Variants in TIAM2 observed in about 807,000 individuals in gnomAD.
TIAM2 encodes the protein TIAM Rac1 associated GEF 2.
Under a neutral mutation model 152.9 loss-of-function variants are expected in TIAM2, and 80 were observed. The ratio of observed to expected loss-of-function variants is 0.52; its 90% CI spans 0.44 to 0.63. The LOEUF (loss-of-function observed/expected upper bound fraction) is 0.63, where lower values mean the gene tolerates loss of function less well. Ranked by LOEUF, TIAM2 falls within the 30% of genes least tolerant of loss-of-function variation. The pLI, the probability that TIAM2 is intolerant of heterozygous loss-of-function variation, is 0.00. For synonymous variants in TIAM2, 804 were observed against 838.0 expected, an observed-to-expected ratio of 0.96 and a Z score of 0.70; for missense variants, 1,965 against 2,120.1, an observed-to-expected ratio of 0.93 and a Z score of 1.44.
intron 1 of TIAM2, among the ~76,000 whole-genome samples, chr6:155,056,738 CTTATA>C (rs1165998592): frequency 6.6e-6 from 1 of 152,014 alleles, no homozygotes; most frequent in Non-Finnish European, 1.5e-5. Context: ...TTATTAACAT[CTTATA>C]TTATTATAGT....
At chr6:155,245,561 C>A in intron 18 of TIAM2, 62 bp from the exon 19 acceptor site, 1 of 1,387,216 alleles carries the variant, frequency 7.2e-7, no homozygotes, top group Non-Finnish European at 1.0e-6. Flanking sequence ...CCGTCAAATG[C>A]CATAAGCCAG....
intron 9 of TIAM2, among the ~76,000 whole-genome samples, chr6:155,169,556 A>C (rs368249856): frequency 6.6e-5 from 10 of 152,248 alleles, no homozygotes; most frequent in East Asian, 5.8e-4. Flanking sequence ...CAGTGAATAC[A>C]AAATTGCATT....
chr6:155,110,658 G>A (rs537190033), intron 2 of TIAM2, among the ~76,000 whole-genome samples: 2 of 152,156 alleles, frequency 1.3e-5, no homozygotes, highest in East Asian at 3.9e-4. Flanking sequence ...AGACTGTTTA[G>A]GTTTTGTTAC....
chr6:155,242,296 ACCAC>A (rs749456203), intron 16 of TIAM2, among the ~76,000 whole-genome samples: 4 of 152,356 alleles, frequency 2.6e-5, no homozygotes, highest in Admixed American at 6.5e-5. Flanking sequence ...TCACACACAC[ACCAC>A]CGTTTCTTCA....
At chr6:155,160,570 C>G (rs1209680312) in intron 7 of TIAM2, among the ~76,000 whole-genome samples, 1 of 152,050 alleles carries the variant, frequency 6.6e-6, no homozygotes, top group Non-Finnish European at 1.5e-5. Context: ...AGTTTGAGAC[C>G]AGCCTGGGCA....
intron 10 of TIAM2, 147 bp from the exon 11 acceptor site, chr6:155,178,892 A>C: frequency 3.0e-6 from 2 of 667,920 alleles, no homozygotes; most frequent in East Asian, 2.9e-5. Flanking sequence ...AAGTATTTAA[A>C]TTCGAGCTCT....
intron 1 of TIAM2, among the ~76,000 whole-genome samples, chr6:155,084,558 A>T (rs990977718): frequency 1.3e-5 from 2 of 152,096 alleles, no homozygotes; most frequent in Admixed American, 6.6e-5. Context: ...AAATGGGTAT[A>T]CCTTGTTCTC....
At chr6:155,045,528 C>T (rs968038015) in intron 1 of TIAM2, among the ~76,000 whole-genome samples, 4 of 152,034 alleles carry the variant, frequency 2.6e-5, no homozygotes, top group Non-Finnish European at 4.4e-5. Context: ...CATTTTCTTT[C>T]GAACATGAAA....
chr6:155,122,012 CCA>C (rs1308468886), intron 2 of TIAM2: 4 of 152,300 alleles, frequency 2.6e-5, no homozygotes, highest in Non-Finnish European at 4.4e-5. Context: ...GCTGTAAATG[CCA>C]CACTACATGG....
chr6:155,151,171 G>A (rs539085067), intron 7 of TIAM2, among the ~76,000 whole-genome samples: 1 of 152,304 alleles, frequency 6.6e-6, no homozygotes, highest in African/African-American at 2.4e-5. Context: ...CTTTCTGAGT[G>A]GCAGCATCTC....
rs1779851204 is a variant in TIAM2 at position 155,147,787 on chromosome 6, G to A, written c.1804-323G>A. 2.0e-5 allele frequency among the ~76,000 whole-genome samples: 3 copies of A among 152,200 alleles called. 1 individual carries two copies. The South Asian group carries it at 6.2e-4, about 32-fold the overall frequency. On this transcript the variant is annotated intron_variant, in intron 6 of 26. Coordinates refer to ENST00000682666, the MANE Select transcript of TIAM2 (RefSeq NM_012454.4). The stretch of plus-strand genomic sequence containing the variant: ...GGCGTGAGCCACCGTGCCTGGCCAA[G>A]CATCCTTTTAGAGAGTGGCGTAATG...
chr6:155,054,415 TAGTC>T lies in TIAM2; in HGVS notation c.-208-35871_-208-35868del, dbSNP rs764632431. The stretch of plus-strand genomic sequence containing the variant: ...ATTACTGTCTCTTGGCACTAAGTAA[TAGTC>T]AGCGACAATCTCAGATATAGAAATT... On this transcript the variant is annotated intron_variant, in intron 1 of 26. Transcript: ENST00000682666. 9.9e-5 allele frequency among the ~76,000 whole-genome samples: 15 copies of T among 152,146 alleles called. No individual in the cohort carries two copies. In the East Asian group the frequency reaches 1.4e-3, roughly 14 times the overall value.
chr6:155,146,768 A>ATTTTTTTTTTTTTT (rs373361803), intron 6 of TIAM2, among the ~76,000 whole-genome samples: 9 of 135,894 alleles, frequency 6.6e-5, no homozygotes, highest in African/African-American at 2.3e-4. Flanking sequence ...TGCCTGGCTA[A>ATTTTTTTTTTTTTT]TTTTTTTTTT....
intron 21 of TIAM2, 43 bp from the exon 22 acceptor site, chr6:155,250,870 T>C: frequency 6.3e-7 from 1 of 1,583,218 alleles, no homozygotes; most frequent in Non-Finnish European, 8.7e-7. Context: ...TCATCTAGCC[T>C]GGGATTTCCG....
At chr6:155,036,209 G>A (rs1009113705) in intron 1 of TIAM2, among the ~76,000 whole-genome samples, 21 of 152,156 alleles carry the variant, frequency 1.4e-4, no homozygotes, top group African/African-American at 4.6e-4. Context: ...GTGCTGAAAT[G>A]CGTCATTTGT....
chr6:155,198,306 A>G (rs1781393638), intron 14 of TIAM2, among the ~76,000 whole-genome samples: 1 of 152,236 alleles, frequency 6.6e-6, no homozygotes, highest in African/African-American at 2.4e-5. Context: ...AGCCAGCACA[A>G]TTCTTGATAA....
intron 1 of TIAM2, among the ~76,000 whole-genome samples, chr6:155,086,294 G>T (rs1249466049): frequency 6.6e-6 from 1 of 152,180 alleles, no homozygotes; most frequent in Non-Finnish European, 1.5e-5. Context: ...CTACATGAGA[G>T]GTCTACTTGA....
At chr6:155,210,482 TTGTG>T (rs774639864) in intron 14 of TIAM2, among the ~76,000 whole-genome samples, 1 of 151,124 alleles carries the variant, frequency 6.6e-6, no homozygotes, top group Non-Finnish European at 1.5e-5. Flanking sequence ...CCATGCCTGA[TTGTG>T]TGTGTGTTTT....
chr6:155,055,835 T>C (rs1480467537), intron 1 of TIAM2, among the ~76,000 whole-genome samples: 1 of 150,394 alleles, frequency 6.6e-6, no homozygotes, highest in Non-Finnish European at 1.5e-5. Context: ...TAGTGGTGCA[T>C]GCCTGTATCC....
Sources: gnomAD v4.1 joint callset for allele counts (sites outside exome capture counted in the v4.1 genomes callset) on GRCh38, gnomAD v4.1.1 for gene constraint, MANE v1.5 for transcripts, NCBI Gene and HGNC (gene_info 2026-07-23, HGNC 2026-07-21) for gene names.